Variants in ERI1 observed in about 807,000 individuals in gnomAD.
ERI1 encodes 3'-5' exoribonuclease 1.
ERI1 carries 39 observed loss-of-function variants against 39.7 expected under a neutral mutation model. That is an observed-to-expected ratio of 0.98 (90% CI 0.76 to 1.28). The LOEUF (loss-of-function observed/expected upper bound fraction) is 1.28, where lower values mean the gene tolerates loss of function less well. Ranked by LOEUF, ERI1 falls within the 50% of genes most tolerant of loss-of-function variation. The pLI is 0.00. For synonymous variants in ERI1, 204 were observed against 149.6 expected (o/e 1.36, Z -2.65); for missense variants, 581 against 416.9 (o/e 1.39, Z -3.43).
chr8:9,008,244 A>G (rs1585185554), intron 2 of ERI1, 96 bp downstream of exon 2: 2 of 1,072,206 alleles, frequency 1.9e-6, no homozygotes, highest in Non-Finnish European at 2.6e-6. Flanking sequence ...CTGTAATCCT[A>G]CCGTAATGAC....
At chr8:9,003,713 C>T (rs1029317491) in intron 1 of ERI1, among the ~76,000 whole-genome samples, 15 of 152,176 alleles carry the variant, frequency 9.9e-5, no homozygotes, top group Non-Finnish European at 1.5e-5. Flanking sequence ...GACATCTCAT[C>T]GGTTGAACTT....
chr8:9,034,033 TTGCTTTAAAATTTCCTC>T (rs1797755215), downstream of ERI1, among the ~76,000 whole-genome samples: 1 of 152,230 alleles, frequency 6.6e-6, no homozygotes, highest in Non-Finnish European at 1.5e-5. Context: ...AGAACGATTT[TTGCTTTAAAATTTCCTC>T]CATGTTCTTG....
intron 3 of ERI1, among the ~76,000 whole-genome samples, chr8:9,040,076 A>C (rs1797967125): frequency 6.6e-6 from 1 of 152,202 alleles, no homozygotes; most frequent in Admixed American, 6.5e-5. Context: ...ATGAGTTTTT[A>C]AATAGTTGAA....
rs12680063 is a variant in ERI1, at chr8:9,005,398, A to G, written c.108+2227A>G. Among the ~76,000 whole-genome samples the G allele has an allele frequency of 7.9e-5, 12 of 151,728 alleles. No homozygotes were observed. The East Asian group carries it at 2.3e-3, about 29-fold the overall frequency. On this transcript the variant is annotated intron_variant, in intron 1 of 6. Coordinates refer to ENST00000250263, the MANE Select transcript of ERI1 (RefSeq NM_153332.4). ...GATTGTGTTCCTTTAAAAAAATGCT[A>G]AAAATCAAGCTCCGGTACCCTTCCC...
At chr8:9,028,492 A>T (rs1245023090) in intron 6 of ERI1, among the ~76,000 whole-genome samples, 1 of 152,242 alleles carries the variant, frequency 6.6e-6, no homozygotes, top group East Asian at 1.9e-4. Context: ...CCTATGAGTA[A>T]ATATTAGAGC....
chr8:9,096,235 T>A (rs1799873760), intron 3 of ERI1, among the ~76,000 whole-genome samples: 1 of 152,158 alleles, frequency 6.6e-6, no homozygotes, highest in Non-Finnish European at 1.5e-5. Context: ...CTTCCTCTCT[T>A]CTCCTTTCAA....
chr8:9,042,884 C>G (rs1236235958), intron 3 of ERI1, among the ~76,000 whole-genome samples: 1 of 152,186 alleles, frequency 6.6e-6, no homozygotes, highest in Non-Finnish European at 1.5e-5. Context: ...GATGCTCAAC[C>G]TACACGTGCA....
At chr8:9,061,628 A>G (rs1033765813) in intron 3 of ERI1, among the ~76,000 whole-genome samples, 2 of 152,344 alleles carry the variant, frequency 1.3e-5, no homozygotes, top group African/African-American at 4.8e-5. Flanking sequence ...TTCTGACCGC[A>G]CTAACCATGC....
In ERI1 at chr8:9,052,569, C is replaced by G. The variant is rs1006229961; in HGVS notation, n.299+32105C>G. On this transcript the variant is annotated intron_variant and non_coding_transcript_variant, in intron 3 of 3. Transcript: ENST00000518663. ...AATCAAGGAACATGCTAGGTGCACA[C>G]GTATGAAGGGACATCTTTTGCACAC... 2.6e-5 allele frequency among the ~76,000 whole-genome samples: 4 copies of G among 152,086 alleles called. No homozygotes were observed. The South Asian group carries it at 6.2e-4, about 24-fold the overall frequency.
At chr8:9,033,769 A>G (rs1257114108), downstream of ERI1, among the ~76,000 whole-genome samples, 1 of 152,032 alleles carries the variant, frequency 6.6e-6, no homozygotes, top group African/African-American at 2.4e-5. Flanking sequence ...CTTGCTCTTT[A>G]TCTCTGTGCT....
rs1004341021 is a variant in ERI1, at chr8:9,031,118, T to C, written c.*1084T>C. The C allele has an allele frequency of 3.9e-5, 6 of 152,242 alleles. No homozygotes were observed. The highest frequency in any genetic ancestry group is 1.2e-4 in the African/African-American group (5 of 41,472). 9.4% of individuals were successfully genotyped at this position (152,242 alleles called of 1,614,324 possible). A position where few individuals can be genotyped will look rare whatever the true frequency, so the allele number is the denominator to read the frequency against. On this transcript the variant is annotated 3_prime_UTR_variant, in exon 7 of 7. Transcript: ENST00000250263. Reference sequence around the variant, plus strand: ...TATTTTCAGAATTGAATTTTTCTCCTTGTAGCTTTCAGGGAACAATTTCAT... The same window carrying C: ...TATTTTCAGAATTGAATTTTTCTCCCTGTAGCTTTCAGGGAACAATTTCAT...
intron 1 of ERI1, among the ~76,000 whole-genome samples, chr8:9,006,961 G>C (rs551462295): frequency 1.3e-5 from 2 of 152,170 alleles, no homozygotes; most frequent in East Asian, 1.9e-4. Context: ...TACAGTTTAC[G>C]TGAGGACAAT....
chr8:9,085,466 C>T (rs899958737), intron 3 of ERI1, among the ~76,000 whole-genome samples: 1 of 152,092 alleles, frequency 6.6e-6, no homozygotes, highest in African/African-American at 2.4e-5. Flanking sequence ...CCTCAGCCTC[C>T]CAAAGTGCTG....
chr8:9,041,143 T>C (rs1160007220), intron 3 of ERI1, among the ~76,000 whole-genome samples: 2 of 152,246 alleles, frequency 1.3e-5, no homozygotes, highest in Admixed American at 6.5e-5. Flanking sequence ...GCATGACTTT[T>C]GTTCATTCTG....
intron 3 of ERI1, among the ~76,000 whole-genome samples, chr8:9,088,259 C>A (rs1424790384): frequency 6.6e-6 from 1 of 150,402 alleles, no homozygotes; most frequent in Non-Finnish European, 1.5e-5. Flanking sequence ...GTCTGAGCCT[C>A]TGTAAATTAA....
Position 9,031,225 on chromosome 8 carries a change from A to C in ERI1, c.*1191A>C, listed in dbSNP as rs1214779546. On this transcript the variant is annotated 3_prime_UTR_variant, in exon 7 of 7. Transcript: ENST00000250263. ...TTCTAAAGATTTATATTTTATAACC[A>C]GATGAATTTCCTCAAAGGTTTCCAA... is the stretch of plus-strand genomic sequence containing the variant. 6.6e-6 allele frequency: 1 copy of C among 152,204 alleles called. No individual in the cohort carries two copies. Among genetic ancestry groups the C allele is most frequent in the Non-Finnish European group, 1.5e-5 (1 of 68,020 alleles). The allele number at this position is 152,204 out of a possible 1,614,324, so 9.4% of individuals were successfully genotyped here. A position where few individuals can be genotyped will look rare whatever the true frequency, so the allele number is the denominator to read the frequency against.
At chr8:9,081,956 G>A (rs1245873122) in intron 3 of ERI1, among the ~76,000 whole-genome samples, 1 of 152,146 alleles carries the variant, frequency 6.6e-6, no homozygotes, top group East Asian at 1.9e-4. Flanking sequence ...AGCAAAAGTT[G>A]TTCTCTCTGT....
chr8:9,023,149 T>C (rs758363223), intron 6 of ERI1, among the ~76,000 whole-genome samples: 3 of 152,216 alleles, frequency 2.0e-5, no homozygotes, highest in African/African-American at 4.8e-5. Context: ...GGTATGTTAA[T>C]ACATCTCTTT....
At chr8:9,024,319 T>C (rs148119660) in intron 6 of ERI1, among the ~76,000 whole-genome samples, 109 of 152,376 alleles carry the variant, frequency 7.2e-4, no homozygotes, top group African/African-American at 2.4e-3. Context: ...TCCCAAACTT[T>C]CTTTGTGCGT....
Sources: allele counts gnomAD v4.1 joint callset (sites outside exome capture counted in the v4.1 genomes callset), GRCh38; gene constraint gnomAD v4.1.1; transcripts MANE v1.5; gene names NCBI Gene and HGNC (gene_info 2026-07-23, HGNC 2026-07-21).